The following LPAR3 variants were observed in gnomAD, a reference collection of about 807,000 sequenced individuals.
The protein encoded by LPAR3 is LPA receptor 3.
LPAR3 carries 7 observed loss-of-function variants against 17.8 expected under a neutral mutation model. The ratio of observed to expected loss-of-function variants is 0.39; its 90% CI spans 0.22 to 0.74. The LOEUF (loss-of-function observed/expected upper bound fraction) is 0.74. Among genes scored for constraint, LPAR3 ranks in the 30% least tolerant of loss-of-function variants. The pLI is 0.40. For synonymous variants in LPAR3, 179 were observed against 179.9 expected, an observed-to-expected ratio of 0.99 and a Z score of 0.04; for missense variants, 391 against 453.4, an observed-to-expected ratio of 0.86 and a Z score of 1.25.
At chr1:84,867,021 GAACATATCTATTA>G (rs1660064952) in intron 1 of LPAR3, among the ~76,000 whole-genome samples, 1 of 152,184 alleles carries the variant, frequency 6.6e-6, no homozygotes, top group South Asian at 2.1e-4. Flanking sequence ...GTGGATGTGA[GAACATATCTATTA>G]AGTGAGGGCA....
rs571325765 is a variant in LPAR3, at chr1:84,844,528, A to G, written c.736+20857T>C. 3.3e-5 allele frequency among the ~76,000 whole-genome samples: 5 copies of G among 152,348 alleles called. No homozygotes were observed. In the South Asian group the frequency reaches 1.0e-3, roughly 32 times the overall value. On this transcript the variant is annotated intron_variant, in intron 2 of 2. Coordinates refer to ENST00000370611, the MANE Select transcript of LPAR3 (RefSeq NM_012152.3). Reference sequence around the variant, plus strand: ...TCTTGAATAAATACAATTCACAAAAATAGACCCAGGAATGCTTGGAGATGT... The same window carrying G: ...TCTTGAATAAATACAATTCACAAAAGTAGACCCAGGAATGCTTGGAGATGT...
chr1:84,848,154 C>T (rs1167771181), intron 2 of LPAR3, among the ~76,000 whole-genome samples: 2 of 152,240 alleles, frequency 1.3e-5, no homozygotes, highest in Non-Finnish European at 2.9e-5. Flanking sequence ...TGCCAGTCAC[C>T]TAAGCCTTCC....
rs543256181 is a variant in LPAR3 at position 84,861,472 on chromosome 1, C to T, written c.736+3913G>A. ...TTTCATTCCCACCTTTGGTTACTAA[C>T]TGTCATAAAGGATAATTGAACTTTG... On this transcript the variant is annotated intron_variant, in intron 2 of 2. Coordinates refer to ENST00000370611, the MANE Select transcript of LPAR3 (RefSeq NM_012152.3). Among the ~76,000 whole-genome samples, 77 of 152,298 alleles carry T rather than the reference C, an allele frequency of 5.1e-4. No individual in the cohort carries two copies. The Middle Eastern group carries it at 0.014, about 27-fold the overall frequency.
rs77280958 is a variant in LPAR3 at position 84,891,890 on chromosome 1, G to A, written c.-19+1126C>T. Among the ~76,000 whole-genome samples the A allele has an allele frequency of 9.7e-3, 1,478 of 152,182 alleles. 20 individuals are homozygous for A. The highest frequency in any genetic ancestry group is 0.033 in the African/African-American group (1,365 of 41,506). On this transcript the variant is annotated intron_variant, in intron 1 of 2. Transcript: ENST00000370611. The stretch of plus-strand genomic sequence containing the variant: ...TGTAATGACAATAACAAATTACGGG[G>A]GAAACATTTCGTGGAAATTACTCAG...
At chr1:84,858,665 C>A (rs1167195440) in intron 2 of LPAR3, among the ~76,000 whole-genome samples, 1 of 152,100 alleles carries the variant, frequency 6.6e-6, no homozygotes, top group Non-Finnish European at 1.5e-5. Context: ...GCCTCAATTT[C>A]CTCATTTATT....
chr1:84,842,480 T>C (rs372063595), intron 2 of LPAR3, among the ~76,000 whole-genome samples: 10 of 152,346 alleles, frequency 6.6e-5, no homozygotes, highest in Admixed American at 4.6e-4. Context: ...TCATTTTCCT[T>C]ACATTGCCTT....
intron 1 of LPAR3, among the ~76,000 whole-genome samples, chr1:84,888,153 C>A (rs1171435151): frequency 1.4e-5 from 1 of 73,340 alleles, no homozygotes; most frequent in Admixed American, 1.8e-4. Flanking sequence ...TACATACATA[C>A]ACACACACAC....
chr1:84,891,195 T>C (rs4243774), intron 1 of LPAR3, among the ~76,000 whole-genome samples: 44,430 of 151,030 alleles, frequency 0.29, 6,808 homozygotes, highest in East Asian at 0.45. Context: ...TAAATGCAAT[T>C]GAAAGGTTTA....
chr1:84,867,939 T>C (rs1031968456), intron 1 of LPAR3, among the ~76,000 whole-genome samples: 1 of 152,176 alleles, frequency 6.6e-6, no homozygotes, highest in Admixed American at 6.6e-5. Context: ...GACATTAGGG[T>C]TGCTTCCTGT....
intron 1 of LPAR3, among the ~76,000 whole-genome samples, chr1:84,879,316 C>CTTTTTTTTTTTTTTTTTTTTTTTTTT (rs1187756554): frequency 1.4e-4 from 17 of 120,616 alleles, no homozygotes; most frequent in African/African-American, 5.6e-4. Context: ...TTTCTTTTTT[C>CTTTTTTTTTTTTTTTTTTTTTTTTTT]TTTTTTTTTT....
At chr1:84,866,947 G>C (rs1229105504) in intron 1 of LPAR3, among the ~76,000 whole-genome samples, 2 of 152,182 alleles carry the variant, frequency 1.3e-5, no homozygotes, top group Non-Finnish European at 2.9e-5. Flanking sequence ...ACGGCAGGTG[G>C]AGGAGGATCG....
chr1:84,828,455 G>A (rs1364649466), intron 2 of LPAR3, among the ~76,000 whole-genome samples: 2 of 152,172 alleles, frequency 1.3e-5, no homozygotes, highest in Non-Finnish European at 2.9e-5. Context: ...TCAAAGTGAT[G>A]TAATATAACA....
intron 2 of LPAR3, among the ~76,000 whole-genome samples, chr1:84,829,351 GGGCC>G (rs1659237872): frequency 6.6e-6 from 1 of 151,706 alleles, no homozygotes; most frequent in Admixed American, 6.6e-5. Flanking sequence ...GTCTGGAATG[GGGCC>G]CAAGAATTTG....
At chr1:84,843,835 A>G (rs1273853199) in intron 2 of LPAR3, among the ~76,000 whole-genome samples, 1 of 152,178 alleles carries the variant, frequency 6.6e-6, no homozygotes, top group Non-Finnish European at 1.5e-5. Flanking sequence ...GGCCTTTTGC[A>G]TCTGCTGTTG....
intron 1 of LPAR3, among the ~76,000 whole-genome samples, chr1:84,876,293 C>G (rs933366677): frequency 3.9e-5 from 6 of 152,304 alleles, no homozygotes; most frequent in Admixed American, 6.5e-5. Flanking sequence ...GGTGCCTAAT[C>G]TCATCACATG....
Position 84,873,751 on chromosome 1 carries a change from CTTGT to C in LPAR3, c.-18-7617_-18-7614del, listed in dbSNP as rs1451339978. 3.7e-5 allele frequency among the ~76,000 whole-genome samples: 5 copies of C among 134,366 alleles called. 1 individual carries two copies. The South Asian group carries it at 1.1e-3, about 29-fold the overall frequency. The allele number at this position is 134,366 out of a possible 152,430, so 88.1% of individuals were successfully genotyped here. On this transcript the variant is annotated intron_variant, in intron 1 of 2. Coordinates refer to ENST00000370611, the MANE Select transcript of LPAR3 (RefSeq NM_012152.3). ...TGAACAGTTTTTTTTGTTTGTTTTG[CTTGT>C]TTGTTTTTTTTTTTTGAGACGAGTC...
chr1:84,877,022 A>G (rs1431031777), intron 1 of LPAR3, among the ~76,000 whole-genome samples: 1 of 152,216 alleles, frequency 6.6e-6, no homozygotes. Flanking sequence ...ATGTCCTTCA[A>G]TGTCATTCAG....
intron 1 of LPAR3, among the ~76,000 whole-genome samples, chr1:84,879,824 A>T (rs1167084160): frequency 6.6e-6 from 1 of 152,204 alleles, no homozygotes; most frequent in Non-Finnish European, 1.5e-5. Context: ...TCCTTTCCCT[A>T]CCTGTAAGTT....
At chr1:84,815,898 T>C (rs1007319222) in intron 2 of LPAR3, among the ~76,000 whole-genome samples, 1 of 152,204 alleles carries the variant, frequency 6.6e-6, no homozygotes, top group Admixed American at 6.5e-5. Context: ...TTCCCTTTTT[T>C]CTCCACCTTG....
Sources: allele counts gnomAD v4.1 joint callset (sites outside exome capture counted in the v4.1 genomes callset), GRCh38; gene constraint gnomAD v4.1.1; transcripts MANE v1.5; gene names NCBI Gene and HGNC (gene_info 2026-07-23, HGNC 2026-07-21).